The following PPP3CA variants were observed in gnomAD, a reference collection of about 807,000 sequenced individuals.
The protein encoded by PPP3CA is CAM-PRP catalytic subunit.
A neutral mutation model predicts 66.5 loss-of-function variants in PPP3CA; 14 were observed. That is an observed-to-expected ratio of 0.21 (90% CI 0.14 to 0.33). The LOEUF is 0.33. PPP3CA is among the 10% of genes least tolerant of loss of function. PPP3CA has a pLI of 1.00. For missense variants in PPP3CA, 317 were observed against 639.5 expected (o/e 0.50, Z 5.44); for synonymous variants, 232 against 226.2 (o/e 1.03, Z -0.23).
chr4:101,313,070 A>G (rs1329277834), intron 1 of PPP3CA, among the ~76,000 whole-genome samples: 2 of 152,008 alleles, frequency 1.3e-5, no homozygotes, highest in Admixed American at 1.3e-4. Context: ...AAACACTTCA[A>G]TTTTCTTGAA....
At position 101,080,557 on chromosome 4, in the gene PPP3CA, A is replaced by G. The variant is rs771493854; in HGVS notation, c.930T>C (p.Asn310=). 1 of 1,526,798 alleles carries G rather than the reference A, an allele frequency of 6.5e-7. No individual in the cohort carries two copies. The highest frequency in any genetic ancestry group is 1.4e-5 in the South Asian group (1 of 73,604). The allele number at this position is 1,526,798 out of a possible 1,614,324, so 94.6% of individuals were successfully genotyped here. A position where few individuals can be genotyped will look rare whatever the true frequency, so the allele number is the denominator to read the frequency against. ...CTTTGTTATTGTATACATCTAAGTA[A>G]TTTGGTGCTGAAAAAATTGTAATTA... The part of the protein sequence containing the change: ...PSLITIFSAP[N]YLDVYNNKAA... The change falls in exon 8 of 14, where the codon AAT becomes AAC. Residue 310 remains asparagine (N), a synonymous_variant. Coordinates refer to ENST00000394854, the MANE Select transcript of PPP3CA (RefSeq NM_000944.5).
At chr4:101,192,769 G>A (rs887715765) in intron 2 of PPP3CA, among the ~76,000 whole-genome samples, 4 of 151,962 alleles carry the variant, frequency 2.6e-5, no homozygotes, top group African/African-American at 9.7e-5. Context: ...CAGTTTTTAG[G>A]TACCTCCATT....
At chr4:101,031,707 G>A (rs1036993412) in intron 12 of PPP3CA, among the ~76,000 whole-genome samples, 1 of 151,540 alleles carries the variant, frequency 6.6e-6, no homozygotes, top group Admixed American at 6.6e-5. Context: ...GTATTATAAA[G>A]GAAATGTTAC....
intron 2 of PPP3CA, among the ~76,000 whole-genome samples, chr4:101,190,529 G>A (rs975211027): frequency 1.3e-5 from 2 of 152,092 alleles, no homozygotes; most frequent in Non-Finnish European, 2.9e-5. Flanking sequence ...GAGTATTACT[G>A]ATTCGTACAC....
chr4:101,347,277 C>A lies in PPP3CA; in HGVS notation c.-481G>T. 4.8e-6 allele frequency: 1 copy of A among 208,424 alleles called. No individual in the cohort carries two copies. The highest frequency in any genetic ancestry group is 9.5e-6 in the Non-Finnish European group (1 of 105,780). 12.9% of individuals were successfully genotyped at this position (208,424 alleles called of 1,614,324 possible). ...GAGGCAGGGCCGCCGATGTCAGTGC[C>A]ACCAGCCGCACCTTGGCGTCCCCGG... On this transcript the variant is annotated 5_prime_UTR_variant, in exon 1 of 14. Transcript: ENST00000394854.
intron 10 of PPP3CA, among the ~76,000 whole-genome samples, chr4:101,051,515 G>A (rs1200904013): frequency 6.6e-6 from 1 of 152,068 alleles, no homozygotes; most frequent in Non-Finnish European, 1.5e-5. Context: ...TTTTCTTTTG[G>A]TATTAGTTTT....
chr4:101,305,739 T>C (rs1176581654), intron 1 of PPP3CA, among the ~76,000 whole-genome samples: 2 of 152,188 alleles, frequency 1.3e-5, no homozygotes, highest in Non-Finnish European at 2.9e-5. Context: ...GTCACAATCT[T>C]CCTATTTCAA....
At chr4:101,307,655 A>G (rs1364447164) in intron 1 of PPP3CA, among the ~76,000 whole-genome samples, 1 of 152,254 alleles carries the variant, frequency 6.6e-6, no homozygotes, top group Non-Finnish European at 1.5e-5. Context: ...GGTCAAGTAT[A>G]AAACAGTTTT....
intron 1 of PPP3CA, among the ~76,000 whole-genome samples, chr4:101,339,094 G>A (rs1312171702): frequency 6.6e-6 from 1 of 152,158 alleles, no homozygotes; most frequent in Non-Finnish European, 1.5e-5. Flanking sequence ...TCTTTCCACT[G>A]GATGGCATCC....
intron 2 of PPP3CA, among the ~76,000 whole-genome samples, chr4:101,177,844 C>T (rs1724112213): frequency 6.6e-6 from 1 of 151,044 alleles, no homozygotes; most frequent in Non-Finnish European, 1.5e-5. Flanking sequence ...AAAAAAAACA[C>T]AATTCCTATA....
intron 1 of PPP3CA, among the ~76,000 whole-genome samples, chr4:101,275,779 T>C (rs1206447116): frequency 6.6e-6 from 1 of 152,180 alleles, no homozygotes; most frequent in Non-Finnish European, 1.5e-5. Flanking sequence ...GCTTGTTATG[T>C]GCAAGGTCAC....
intron 1 of PPP3CA, among the ~76,000 whole-genome samples, chr4:101,218,106 T>C (rs1197555424): frequency 1.3e-5 from 2 of 152,048 alleles, no homozygotes; most frequent in African/African-American, 2.4e-5. Context: ...AGGGTCTTAA[T>C]AAACTTGATG....
chr4:101,045,320 G>A (rs186558178), intron 10 of PPP3CA, among the ~76,000 whole-genome samples: 1 of 152,346 alleles, frequency 6.6e-6, no homozygotes, highest in Admixed American at 6.5e-5. Flanking sequence ...CAGCTGGTAA[G>A]AGGATATTGA....
chr4:101,233,409 C>G (rs1203620365), intron 1 of PPP3CA, among the ~76,000 whole-genome samples: 2 of 151,808 alleles, frequency 1.3e-5, no homozygotes, highest in African/African-American at 4.8e-5. Flanking sequence ...CTTTACACAA[C>G]AGTGAAACTA....
In PPP3CA at chr4:101,106,314, T is replaced by C. The variant is rs555155054; in HGVS notation, c.384+2640A>G. On this transcript the variant is annotated intron_variant, in intron 3 of 13. Transcript: ENST00000394854. Reference sequence around the variant, plus strand: ...GAATGAAGCCACAGTGAGCTATGACTGTGCTACTGCATTGTAGCCTGGGTG... The same window carrying C: ...GAATGAAGCCACAGTGAGCTATGACCGTGCTACTGCATTGTAGCCTGGGTG... Among the ~76,000 whole-genome samples the C allele has an allele frequency of 1.3e-4, 20 of 149,674 alleles. 1 individual carries two copies. The highest frequency in any genetic ancestry group is 4.4e-4 in the African/African-American group (18 of 40,782).
chr4:101,199,496 T>C (rs2110194211), intron 1 of PPP3CA, among the ~76,000 whole-genome samples: 1 of 152,338 alleles, frequency 6.6e-6, no homozygotes, highest in East Asian at 1.9e-4. Flanking sequence ...AAGCACAGAA[T>C]ATAGTGCTAA....
intron 9 of PPP3CA, among the ~76,000 whole-genome samples, chr4:101,062,512 T>C (rs1305459679): frequency 6.6e-6 from 1 of 152,036 alleles, no homozygotes; most frequent in Non-Finnish European, 1.5e-5. Context: ...TATGAGAAGA[T>C]ACATGAGAAT....
At chr4:101,167,219 T>C (rs1723720572) in intron 2 of PPP3CA, among the ~76,000 whole-genome samples, 1 of 152,150 alleles carries the variant, frequency 6.6e-6, no homozygotes, top group Non-Finnish European at 1.5e-5. Context: ...ATAGGGATGA[T>C]GATTCCTGAC....
At chr4:101,247,057 C>T (rs1726504772) in intron 1 of PPP3CA, among the ~76,000 whole-genome samples, 1 of 152,186 alleles carries the variant, frequency 6.6e-6, no homozygotes, top group Non-Finnish European at 1.5e-5. Context: ...AAATCACACA[C>T]AAACTCACTG....
Sources: allele counts gnomAD v4.1 joint callset (sites outside exome capture counted in the v4.1 genomes callset), GRCh38; gene constraint gnomAD v4.1.1; transcripts MANE v1.5; gene names NCBI Gene and HGNC (gene_info 2026-07-23, HGNC 2026-07-21).